RPAP3: variants seen among roughly 807,000 people sequenced by gnomAD.
RPAP3 encodes the protein RNA polymerase II associated protein 3.
Under a neutral mutation model 88.8 loss-of-function variants are expected in RPAP3, and 58 were observed. The observed-to-expected ratio is 0.65, with a 90% CI of 0.53 to 0.81. The LOEUF is 0.81. Ranked by LOEUF, RPAP3 falls within the 40% of genes least tolerant of loss-of-function variation. The pLI is 0.00. For missense variants in RPAP3, 751 were observed against 764.3 expected (o/e 0.98, Z 0.20); for synonymous variants, 255 against 259.9 (o/e 0.98, Z 0.18).
Position 47,661,976 on chromosome 12 carries a change from G to A in RPAP3, c.*1529C>T, listed in dbSNP as rs1185203066. 6.6e-6 allele frequency: 1 copy of A among 152,216 alleles called. No homozygotes were observed. The highest frequency in any genetic ancestry group is 1.9e-4 in the East Asian group (1 of 5,204). The allele number at this position is 152,216 out of a possible 1,614,324, so 9.4% of individuals were successfully genotyped here. A position where few individuals can be genotyped will look rare whatever the true frequency, so the allele number is the denominator to read the frequency against. ...CAGAAATTTATTTCTTACAGTTCTG[G>A]AGGATGGGGAGTCCAAGATGAAGAT... is the stretch of plus-strand genomic sequence containing the variant. On this transcript the variant is annotated 3_prime_UTR_variant, in exon 17 of 17. Transcript: ENST00000005386.
chr12:47,679,346 T>C (rs1453748050), intron 12 of RPAP3, 147 bp downstream of exon 12: 2 of 522,282 alleles, frequency 3.8e-6, no homozygotes. Context: ...TGTATACCTA[T>C]GTATCAGATC....
At chr12:47,676,329 T>C (rs1292418314) in intron 12 of RPAP3, among the ~76,000 whole-genome samples, 3 of 151,824 alleles carry the variant, frequency 2.0e-5, no homozygotes, top group Non-Finnish European at 4.4e-5. Context: ...ACATCACAAT[T>C]AAAAGAACTA....
rs768654527 is a variant in RPAP3 at position 47,687,841 on chromosome 12, CAT to C, written c.864+33_864+34del. On this transcript the variant is annotated intron_variant, in intron 8 of 16. Coordinates refer to ENST00000005386, the MANE Select transcript of RPAP3 (RefSeq NM_024604.3). ...AGAAATAAATCAACACTCAGCAAAA[CAT>C]ATACATTGTACGTTGGAATAGCTTT... 3 of 1,600,006 alleles carry C rather than the reference CAT, an allele frequency of 1.9e-6. No homozygotes were observed. In the African/African-American group the frequency reaches 4.0e-5, roughly 22 times the overall value.
rs1012761130 is a variant in RPAP3 at position 47,694,191 on chromosome 12, C to T, written c.545+2085G>A. Among the ~76,000 whole-genome samples, 5 of 152,164 alleles carry T rather than the reference C, an allele frequency of 3.3e-5. 1 individual carries two copies. On this transcript the variant is annotated intron_variant, in intron 5 of 16. Transcript: ENST00000005386. ...AATATTAAGACTTACAATTACAATG[C>T]TATAATAATTAAAGATAGTGTGGAA...
chr12:47,663,529 T>G lies in RPAP3; in HGVS notation c.1974A>C (p.Glu658Asp). ...ATCAACCACCGTATCTTTTCTTGAGTTCTTCGACAGAACTATCCTTCAATC... is the reference window on the plus strand; with the variant it reads ...ATCAACCACCGTATCTTTTCTTGAGGTCTTCGACAGAACTATCCTTCAATC... ...KSGLKDSSVE[E>D]LKKRYGG Residue 658 changes from glutamate to aspartate, a missense_variant, in exon 17 of 17, where the codon GAA becomes GAC. By Grantham distance (45) the Glu-to-Asp change is conservative. Transcript: ENST00000005386. The G allele has an allele frequency of 6.3e-7, 1 of 1,593,036 alleles. No individual in the cohort carries two copies. Among genetic ancestry groups the G allele is most frequent in the Non-Finnish European group, 8.5e-7 (1 of 1,170,502 alleles).
chr12:47,703,515 C>T (rs560169925), intron 1 of RPAP3, among the ~76,000 whole-genome samples: 9 of 152,330 alleles, frequency 5.9e-5, no homozygotes, highest in Admixed American at 4.6e-4. Context: ...AAAATAACCC[C>T]TGGTTGAGAA....
intron 12 of RPAP3, among the ~76,000 whole-genome samples, chr12:47,676,980 G>A (rs1310154155): frequency 6.6e-6 from 1 of 152,196 alleles, no homozygotes; most frequent in Non-Finnish European, 1.5e-5. Context: ...GAACATCAAT[G>A]TGAAAATCCT....
intron 12 of RPAP3, 92 bp downstream of exon 12, chr12:47,679,401 A>T (rs1939178793): frequency 1.3e-6 from 1 of 779,966 alleles, no homozygotes; most frequent in African/African-American, 1.8e-5. Context: ...TATAATTAAA[A>T]AAAAAAAGTT....
chr12:47,695,832 T>C (rs1939514071), intron 5 of RPAP3: 1 of 152,500 alleles, frequency 6.6e-6, no homozygotes, highest in Admixed American at 6.5e-5. Context: ...ATACCACATT[T>C]ATATTCTTCC....
At position 47,661,345 on chromosome 12, in the gene RPAP3, T is replaced by C. The variant is rs1325532746; in HGVS notation, c.*2160A>G. On this transcript the variant is annotated 3_prime_UTR_variant, in exon 17 of 17. Transcript: ENST00000005386. ...AAAGACTGTTCTTTATTCTAATCAC[T>C]TTTAGGAAATGTTGGTAATTGTAAT... is the stretch of plus-strand genomic sequence containing the variant. 6.9e-6 allele frequency: 1 copy of C among 143,990 alleles called. No homozygotes were observed. Among genetic ancestry groups the C allele is most frequent in the Non-Finnish European group, 1.5e-5 (1 of 65,820 alleles). The allele number at this position is 143,990 out of a possible 1,614,324, so 8.9% of individuals were successfully genotyped here.
intron 2 of RPAP3, among the ~76,000 whole-genome samples, chr12:47,702,085 T>G (rs1939664591): frequency 6.6e-6 from 1 of 152,226 alleles, no homozygotes; most frequent in South Asian, 2.1e-4. Flanking sequence ...TAACTACACA[T>G]ATTATTTTTA....
chr12:47,696,043 G>A (rs1236082562), intron 5 of RPAP3: 1 of 328,550 alleles, frequency 3.0e-6, no homozygotes, highest in Non-Finnish European at 5.5e-6. Flanking sequence ...TAAATCTTTA[G>A]AGGAATACCT....
chr12:47,701,390 T>C, intron 3 of RPAP3, 74 bp downstream of exon 3: 2 of 1,095,604 alleles, frequency 1.8e-6, no homozygotes, highest in Non-Finnish European at 2.6e-6. Flanking sequence ...ATTTTTCACT[T>C]AACCCATGAT....
intron 12 of RPAP3, among the ~76,000 whole-genome samples, chr12:47,678,152 G>C (rs1285531985): frequency 1.3e-5 from 2 of 152,162 alleles, no homozygotes; most frequent in Admixed American, 1.3e-4. Context: ...ATGGGAAAAG[G>C]ATTCCCTATT....
chr12:47,698,273 G>C (rs1939577358), intron 3 of RPAP3, among the ~76,000 whole-genome samples: 1 of 151,818 alleles, frequency 6.6e-6, no homozygotes, highest in African/African-American at 2.4e-5. Context: ...AGGTCACTCA[G>C]CTAGTAAGTG....
intron 9 of RPAP3, among the ~76,000 whole-genome samples, chr12:47,686,525 C>T (rs943985400): frequency 1.5e-5 from 2 of 131,434 alleles, no homozygotes; most frequent in African/African-American, 2.9e-5. Context: ...ACCACAGGTA[C>T]ATAAACACAC....
chr12:47,693,286 A>G (rs945727933), intron 5 of RPAP3, among the ~76,000 whole-genome samples: 26 of 152,184 alleles, frequency 1.7e-4, no homozygotes, highest in African/African-American at 6.3e-4. Context: ...TAGCTGGTCA[A>G]TGAAGCAGAC....
intron 14 of RPAP3, 93 bp downstream of exon 14, chr12:47,668,823 C>T (rs1211870784): frequency 2.2e-6 from 2 of 911,264 alleles, no homozygotes; most frequent in African/African-American, 1.7e-5. Context: ...CAATAATATC[C>T]TATAAAAAGC....
At chr12:47,666,047 G>A (rs1041276312) in intron 16 of RPAP3, among the ~76,000 whole-genome samples, 8 of 152,166 alleles carry the variant, frequency 5.3e-5, no homozygotes, top group African/African-American at 1.7e-4. Context: ...AGAAATAAAA[G>A]AAGCCCATGT....
Sources: gnomAD v4.1 joint callset for allele counts (sites outside exome capture counted in the v4.1 genomes callset) on GRCh38, gnomAD v4.1.1 for gene constraint, MANE v1.5 for transcripts, NCBI Gene and HGNC (gene_info 2026-07-23, HGNC 2026-07-21) for gene names.